The following MAST4 variants were observed in gnomAD, a reference collection of about 807,000 sequenced individuals.
The protein encoded by MAST4 is microtubule-associated serine/threonine-protein kinase 4.
Under a neutral mutation model 162.7 loss-of-function variants are expected in MAST4, and 89 were observed. The observed-to-expected ratio is 0.55, with a 90% CI of 0.46 to 0.65. MAST4 has a LOEUF of 0.65. Among genes scored for constraint, MAST4 ranks in the 30% least tolerant of loss-of-function variants. MAST4 has a pLI of 0.00. For missense variants in MAST4, 3,153 were observed against 3,374.0 expected (o/e 0.93, Z 1.62); for synonymous variants, 1,479 against 1,361.1 (o/e 1.09, Z -1.91).
At chr5:66,685,623 G>T (rs979456609) in intron 1 of MAST4, among the ~76,000 whole-genome samples, 1 of 152,018 alleles carries the variant, frequency 6.6e-6, no homozygotes, top group Non-Finnish European at 1.5e-5. Context: ...GTGTTTCATA[G>T]AAACAACTAG....
chr5:66,903,532 C>T (rs1763148509), intron 4 of MAST4, among the ~76,000 whole-genome samples: 1 of 151,578 alleles, frequency 6.6e-6, no homozygotes, highest in African/African-American at 2.4e-5. Flanking sequence ...ACAATAACTG[C>T]AATATCTACA....
At chr5:66,745,489 C>T (rs961685724) in intron 1 of MAST4, among the ~76,000 whole-genome samples, 5 of 152,126 alleles carry the variant, frequency 3.3e-5, no homozygotes, top group Non-Finnish European at 5.9e-5. Context: ...ATCAATTAAT[C>T]GATCATCGAT....
intron 3 of MAST4, among the ~76,000 whole-genome samples, chr5:66,821,458 C>G (rs975393779): frequency 1.3e-5 from 2 of 152,104 alleles, no homozygotes; most frequent in Non-Finnish European, 2.9e-5. Flanking sequence ...ATTGTGGAAC[C>G]TGTTTCCAGG....
At chr5:66,801,342 T>A (rs1251280599) in intron 3 of MAST4, among the ~76,000 whole-genome samples, 2 of 151,868 alleles carry the variant, frequency 1.3e-5, no homozygotes, top group Non-Finnish European at 2.9e-5. Flanking sequence ...AGGGTGTACT[T>A]GGAGTGTTTG....
intron 2 of MAST4, among the ~76,000 whole-genome samples, chr5:66,766,382 A>G (rs1043631945): frequency 4.6e-5 from 7 of 152,226 alleles, no homozygotes; most frequent in African/African-American, 1.7e-4. Flanking sequence ...TTTGCAGACA[A>G]TATAAACTAG....
At chr5:66,953,593 G>A (rs2150137028) in intron 4 of MAST4, among the ~76,000 whole-genome samples, 1 of 152,196 alleles carries the variant, frequency 6.6e-6, no homozygotes, top group East Asian at 1.9e-4. Flanking sequence ...CGGGACAGAA[G>A]TATATACATA....
intron 5 of MAST4, among the ~76,000 whole-genome samples, chr5:67,086,446 C>A (rs1342474651): frequency 6.6e-6 from 1 of 152,172 alleles, no homozygotes; most frequent in East Asian, 1.9e-4. Context: ...CTGTGTAGTG[C>A]CGTTAGGTAA....
At chr5:66,799,099 A>T (rs551093282) in intron 3 of MAST4, among the ~76,000 whole-genome samples, 2 of 152,172 alleles carry the variant, frequency 1.3e-5, no homozygotes, top group African/African-American at 4.8e-5. Context: ...TCTCATCTTT[A>T]TGTGCTTCTG....
chr5:66,892,939 TAATA>T (rs1432273593), intron 3 of MAST4, among the ~76,000 whole-genome samples: 8 of 152,328 alleles, frequency 5.3e-5, no homozygotes, highest in African/African-American at 1.9e-4. Flanking sequence ...GATAAAATCT[TAATA>T]AACCACACTA....
chr5:67,166,714 G>A lies in MAST4; in HGVS notation c.7535G>A (p.Arg2512Gln), dbSNP rs1001205903. 2.5e-6 allele frequency: 4 copies of A among 1,588,152 alleles called. No individual in the cohort carries two copies. Among genetic ancestry groups the A allele is most frequent in the Non-Finnish European group, 3.4e-6 (4 of 1,167,638 alleles). The change falls in exon 29 of 29, where the codon CGA (arginine) becomes CAA (glutamine). Residue 2512 changes from arginine (R) to glutamine (Q), a missense_variant. Arg to Gln is a conservative substitution (Grantham distance 43). Transcript: ENST00000403625. ...HRKAQPAGEG[R>Q]THMTKSDSLP... Reference sequence around the variant, plus strand: ...AAGGCTCAGCCTGCCGGGGAGGGCCGAACCCACATGACAAAGAGTGACTCC... The same window carrying A: ...AAGGCTCAGCCTGCCGGGGAGGGCCAAACCCACATGACAAAGAGTGACTCC...
intron 3 of MAST4, among the ~76,000 whole-genome samples, chr5:66,883,282 T>C (rs537567091): frequency 1.3e-5 from 2 of 152,264 alleles, no homozygotes; most frequent in East Asian, 3.9e-4. Flanking sequence ...TGGTCTCTTG[T>C]GATTATTTAC....
intron 4 of MAST4, among the ~76,000 whole-genome samples, chr5:66,998,525 A>G (rs1750921832): frequency 6.6e-6 from 1 of 152,222 alleles, no homozygotes; most frequent in Non-Finnish European, 1.5e-5. Flanking sequence ...TGAAACTGAA[A>G]TTGAAATAGA....
At chr5:67,073,640 CATATCAGA>C (rs1263641799) in intron 5 of MAST4, among the ~76,000 whole-genome samples, 6 of 152,106 alleles carry the variant, frequency 3.9e-5, no homozygotes, top group Non-Finnish European at 1.5e-5. Context: ...GAGATTAACA[CATATCAGA>C]AAGTGACAAT....
chr5:67,116,613 C>T (rs571345253), intron 12 of MAST4, among the ~76,000 whole-genome samples: 12 of 150,924 alleles, frequency 8.0e-5, no homozygotes, highest in East Asian at 6.0e-4. Flanking sequence ...GTCAGGAGTT[C>T]GAGAGCAGCC....
chr5:67,024,218 G>A (rs942384593), intron 4 of MAST4, among the ~76,000 whole-genome samples: 5 of 151,250 alleles, frequency 3.3e-5, no homozygotes, highest in Admixed American at 3.3e-4. Context: ...CATCCATGTT[G>A]TAGAATGTCT....
chr5:67,076,421 T>A (rs886538019), intron 5 of MAST4, among the ~76,000 whole-genome samples: 3 of 146,526 alleles, frequency 2.0e-5, no homozygotes, highest in Admixed American at 1.3e-4. Flanking sequence ...TCTCTCCATC[T>A]GATTGTGTCC....
intron 5 of MAST4, among the ~76,000 whole-genome samples, chr5:67,078,917 T>TTTATATATTTTTATATAA (rs1762187175): frequency 1.8e-5 from 1 of 55,084 alleles, no homozygotes; most frequent in African/African-American, 1.0e-4. Flanking sequence ...TATAAATATA[T>TTTATATATTTTTATATAA]ATATATATAT....
At chr5:66,997,724 G>A (rs1228924691) in intron 4 of MAST4, among the ~76,000 whole-genome samples, 3 of 152,196 alleles carry the variant, frequency 2.0e-5, no homozygotes, top group Admixed American at 2.0e-4. Context: ...ACCATGCCCA[G>A]CCTGATTGAT....
chr5:67,128,769 T>A (rs1768562031), intron 14 of MAST4, among the ~76,000 whole-genome samples: 1 of 149,016 alleles, frequency 6.7e-6, no homozygotes, highest in Non-Finnish European at 1.5e-5. Context: ...GCTAAGTAAC[T>A]AGTGGAAAAT....
Sources: gnomAD v4.1 joint callset for allele counts (sites outside exome capture counted in the v4.1 genomes callset) on GRCh38, gnomAD v4.1.1 for gene constraint, MANE v1.5 for transcripts, NCBI Gene and HGNC (gene_info 2026-07-23, HGNC 2026-07-21) for gene names.